The following ERC2 variants were observed in gnomAD, a reference collection of about 807,000 sequenced individuals.
ERC2 encodes ERC protein 2.
A neutral mutation model predicts 114.8 loss-of-function variants in ERC2; 42 were observed. That is an observed-to-expected ratio of 0.37 (90% CI 0.29 to 0.47). The LOEUF is 0.47. Ranked by LOEUF, ERC2 falls within the 20% of genes least tolerant of loss-of-function variation. The pLI is 0.99. For synonymous variants in ERC2, 454 were observed against 425.5 expected, an observed-to-expected ratio of 1.07 and a Z score of -0.82; for missense variants, 939 against 1,150.7, an observed-to-expected ratio of 0.82 and a Z score of 2.66.
At chr3:55,525,516 G>C (rs888488274) in intron 17 of ERC2, among the ~76,000 whole-genome samples, 1 of 152,200 alleles carries the variant, frequency 6.6e-6, no homozygotes, top group Non-Finnish European at 1.5e-5. Context: ...AGATGTGAGG[G>C]GTGGTGAGTA....
intron 14 of ERC2, among the ~76,000 whole-genome samples, chr3:55,871,595 A>C (rs1451101965): frequency 2.0e-5 from 3 of 152,238 alleles, no homozygotes; most frequent in Admixed American, 6.5e-5. Context: ...CAAGAAGTTG[A>C]AAAGAGACAG....
At chr3:55,559,377 C>A (rs900031490) in intron 17 of ERC2, among the ~76,000 whole-genome samples, 1 of 152,252 alleles carries the variant, frequency 6.6e-6, no homozygotes, top group South Asian at 2.1e-4. Context: ...CCTCCTAGGG[C>A]AGGACTGAAG....
At chr3:55,554,086 C>T (rs1470957610) in intron 17 of ERC2, among the ~76,000 whole-genome samples, 1 of 152,118 alleles carries the variant, frequency 6.6e-6, no homozygotes, top group Non-Finnish European at 1.5e-5. Flanking sequence ...TATCTAAATA[C>T]ATCTGAGAGG....
intron 14 of ERC2, among the ~76,000 whole-genome samples, chr3:55,867,527 A>G (rs1480244025): frequency 6.6e-6 from 1 of 152,196 alleles, no homozygotes. Context: ...AGAGAATAAT[A>G]AGCATTGCTT....
chr3:55,968,423 G>A (rs1442902172), intron 12 of ERC2, among the ~76,000 whole-genome samples: 6 of 152,078 alleles, frequency 3.9e-5, no homozygotes, highest in Admixed American at 3.3e-4. Context: ...GCATTTCCTG[G>A]GCAATTAATC....
At chr3:56,164,652 C>T (rs538884424) in intron 4 of ERC2, among the ~76,000 whole-genome samples, 27 of 152,154 alleles carry the variant, frequency 1.8e-4, no homozygotes, top group Non-Finnish European at 2.2e-4. Flanking sequence ...CTATGTTTAA[C>T]ATTTTGAGGA....
At chr3:55,897,465 A>C (rs927375179) in intron 13 of ERC2, among the ~76,000 whole-genome samples, 2 of 152,194 alleles carry the variant, frequency 1.3e-5, no homozygotes, top group Non-Finnish European at 2.9e-5. Context: ...TCCTGTCTTC[A>C]TTCCATCCTG....
At chr3:56,210,079 A>T (rs951742940) in intron 3 of ERC2, among the ~76,000 whole-genome samples, 1 of 152,204 alleles carries the variant, frequency 6.6e-6, no homozygotes, top group Non-Finnish European at 1.5e-5. Flanking sequence ...AGTAAATTAA[A>T]TTGCAAGTAA....
chr3:55,819,959 T>A (rs1054878352), intron 14 of ERC2, among the ~76,000 whole-genome samples: 1 of 152,146 alleles, frequency 6.6e-6, no homozygotes, highest in Non-Finnish European at 1.5e-5. Context: ...GGTTCCCAAT[T>A]AGCCTCTTGC....
At chr3:56,010,272 A>G (rs1013416780) in intron 9 of ERC2, among the ~76,000 whole-genome samples, 177 bp downstream of exon 9, 2 of 148,000 alleles carry the variant, frequency 1.4e-5, no homozygotes, top group Admixed American at 6.6e-5. Context: ...ATCACAGATG[A>G]AGGAAGTTAC....
At chr3:55,605,039 T>A (rs1434165071) in intron 17 of ERC2, among the ~76,000 whole-genome samples, 1 of 152,180 alleles carries the variant, frequency 6.6e-6, no homozygotes, top group Non-Finnish European at 1.5e-5. Flanking sequence ...TTCAAGGCAC[T>A]GCACTTAGAG....
intron 3 of ERC2, among the ~76,000 whole-genome samples, chr3:56,250,337 T>C (rs1286078911): frequency 6.6e-6 from 1 of 151,648 alleles, no homozygotes; most frequent in Non-Finnish European, 1.5e-5. Context: ...GAGACAGGAG[T>C]AGATCAGATC....
At chr3:55,728,623 T>C (rs549941766) in intron 15 of ERC2, among the ~76,000 whole-genome samples, 1 of 152,302 alleles carries the variant, frequency 6.6e-6, no homozygotes, top group South Asian at 2.1e-4. Context: ...ACCTGAGATT[T>C]ATCTTTAGAA....
chr3:56,087,300 T>A (rs1034457944), intron 6 of ERC2, among the ~76,000 whole-genome samples: 1 of 151,860 alleles, frequency 6.6e-6, no homozygotes, highest in African/African-American at 2.4e-5. Flanking sequence ...CAGTTCCAGG[T>A]AATAACTTGA....
At chr3:55,703,204 T>C (rs1292948828) in intron 15 of ERC2, among the ~76,000 whole-genome samples, 1 of 152,156 alleles carries the variant, frequency 6.6e-6, no homozygotes, top group Non-Finnish European at 1.5e-5. Context: ...TGGATTCAAG[T>C]TCTTGGGAGG....
At chr3:55,649,623 G>T (rs752622076) in intron 17 of ERC2, among the ~76,000 whole-genome samples, 13 of 152,176 alleles carry the variant, frequency 8.5e-5, no homozygotes, top group Non-Finnish European at 1.5e-4. Flanking sequence ...ATAAAGAAGT[G>T]CAGGTGCAGG....
At chr3:55,553,188 AT>A (rs2055348064) in intron 17 of ERC2, among the ~76,000 whole-genome samples, 1 of 150,772 alleles carries the variant, frequency 6.6e-6, no homozygotes, top group African/African-American at 2.4e-5. Context: ...TGCCCAGCTA[AT>A]TTTTGTATTT....
At chr3:56,325,433 G>A (rs1458925119) in intron 2 of ERC2, among the ~76,000 whole-genome samples, 7 of 151,964 alleles carry the variant, frequency 4.6e-5, no homozygotes, top group East Asian at 1.9e-4. Flanking sequence ...GCGACAGAGC[G>A]AGACTCCATC....
At chr3:56,045,743 T>C (rs1368081302) in intron 7 of ERC2, among the ~76,000 whole-genome samples, 2 of 152,124 alleles carry the variant, frequency 1.3e-5, no homozygotes, top group Admixed American at 6.5e-5. Flanking sequence ...CAATGACATA[T>C]GTTATTCATT....
Sources: gnomAD v4.1 joint callset for allele counts (sites outside exome capture counted in the v4.1 genomes callset) on GRCh38, gnomAD v4.1.1 for gene constraint, MANE v1.5 for transcripts, NCBI Gene and HGNC (gene_info 2026-07-23, HGNC 2026-07-21) for gene names.